The following MROH1 variants were observed in gnomAD, a reference collection of about 807,000 sequenced individuals.
MROH1 encodes maestro heat-like repeat-containing protein family member 1.
Under a neutral mutation model 116.5 loss-of-function variants are expected in MROH1, and 117 were observed. The ratio of observed to expected loss-of-function variants is 1.00; its 90% CI spans 0.86 to 1.17. The LOEUF is 1.17. Ranked by LOEUF, MROH1 falls within the 50% of genes most tolerant of loss-of-function variation. The pLI is 0.00. For missense variants in MROH1, 1,873 were observed against 1,338.5 expected (o/e 1.40, Z -6.23); for synonymous variants, 921 against 583.9 (o/e 1.58, Z -8.32).
intron 14 of MROH1, among the ~76,000 whole-genome samples, chr8:144,233,719 A>T (rs1299277348): frequency 6.6e-6 from 1 of 152,188 alleles, no homozygotes; most frequent in Non-Finnish European, 1.5e-5. Flanking sequence ...GGAGATGGCG[A>T]AGTGCTTATC....
intron 1 of MROH1, among the ~76,000 whole-genome samples, chr8:144,156,958 TTAG>T (rs2130709930): frequency 6.6e-6 from 1 of 151,016 alleles, no homozygotes; most frequent in East Asian, 2.0e-4. Flanking sequence ...AATTTTTGTA[TTAG>T]TATTATTATT....
chr8:144,192,289 C>A lies in MROH1; in HGVS notation c.856-20C>A. On this transcript the variant is annotated intron_variant, in intron 9 of 43. Coordinates refer to ENST00000326134, the MANE Select transcript of MROH1 (RefSeq NM_032450.3). ...CGGCTGGAGGTAGGACTGACGGCCT[C>A]TTCTCCCTACCCGGAGCAGAGCCTG... The A allele has an allele frequency of 6.4e-7, 1 of 1,568,360 alleles. No homozygotes were observed. Among genetic ancestry groups the A allele is most frequent in the Non-Finnish European group, 8.6e-7 (1 of 1,159,306 alleles).
chr8:144,186,788 A>G (rs909773131), intron 7 of MROH1, among the ~76,000 whole-genome samples: 16 of 152,176 alleles, frequency 1.1e-4, no homozygotes, highest in African/African-American at 3.9e-4. Context: ...GCCCTTGTTT[A>G]TTCTTATTAA....
intron 33 of MROH1, chr8:144,251,922 C>T (rs1842901055): frequency 9.9e-6 from 2 of 202,256 alleles, no homozygotes; most frequent in Non-Finnish European, 1.0e-5. Flanking sequence ...CACAGCAGTG[C>T]TGCTGCCCAT....
chr8:144,154,072 T>A (rs1363890519), intron 1 of MROH1, among the ~76,000 whole-genome samples: 2 of 143,846 alleles, frequency 1.4e-5, no homozygotes, highest in Non-Finnish European at 2.9e-5. Context: ...TTTTTATTTT[T>A]ATTTTTTTTT....
intron 1 of MROH1, among the ~76,000 whole-genome samples, chr8:144,153,207 T>C (rs2130555744): frequency 6.6e-6 from 1 of 152,148 alleles, no homozygotes; most frequent in East Asian, 1.9e-4. Flanking sequence ...CCTTCTTTTT[T>C]TTTTTTGAGA....
In MROH1 at chr8:144,260,805, G is replaced by A; in HGVS notation, c.4509G>A (p.Leu1503=). 2.6e-6 allele frequency: 2 copies of A among 778,038 alleles called. No individual in the cohort carries two copies. Among genetic ancestry groups the A allele is most frequent in the East Asian group, 2.4e-5 (1 of 41,240 alleles). The allele number at this position is 778,038 out of a possible 1,614,324, so 48.2% of individuals were successfully genotyped here. ...VGGLAPLLLH[L]QDPQATVASA... ...GGCTGGCGCCCCTGCTGCTGCACCT[G>A]CAGGACCCTCAGGCCACCGTGGCCA... Residue 1503 remains leucine, a synonymous_variant, in exon 40 of 44, where the codon CTG becomes CTA. Transcript: ENST00000326134.
rs538053518 is a variant in MROH1, at chr8:144,210,969, G to C, written c.1142-9631G>C. On this transcript the variant is annotated intron_variant, in intron 12 of 43. Transcript: ENST00000326134. ...TTTCATCTTGCAAAACTGAAACTCC[G>C]TGCCTGTGAAACAGCAACTCCCCAT... is the stretch of plus-strand genomic sequence containing the variant. Among the ~76,000 whole-genome samples, 3 of 152,186 alleles carry C rather than the reference G, an allele frequency of 2.0e-5. No individual in the cohort carries two copies. The South Asian group carries it at 6.2e-4, about 32-fold the overall frequency.
chr8:144,187,661 G>A (rs945360031), intron 7 of MROH1, among the ~76,000 whole-genome samples: 3 of 152,222 alleles, frequency 2.0e-5, no homozygotes, highest in African/African-American at 7.2e-5. Context: ...AGATTCTGGT[G>A]AGCTTCTGAT....
chr8:144,174,875 A>G, intron 4 of MROH1: 1 of 985,410 alleles, frequency 1.0e-6, no homozygotes, highest in South Asian at 4.7e-5. Flanking sequence ...TTGCTGAGTC[A>G]GCCTGTCACC....
chr8:144,249,198 G>A (rs1043442322), intron 32 of MROH1, among the ~76,000 whole-genome samples, 169 bp downstream of exon 32: 2 of 152,184 alleles, frequency 1.3e-5, no homozygotes, highest in African/African-American at 4.8e-5. Flanking sequence ...CCCTCCTCGG[G>A]TGTGACCCCC....
chr8:144,247,295 C>T lies in MROH1; in HGVS notation c.2872-6C>T, dbSNP rs999961487. 6.5e-6 allele frequency: 5 copies of T among 769,030 alleles called. No homozygotes were observed. In the Middle Eastern group the frequency reaches 7.1e-4, roughly 109 times the overall value. 47.6% of individuals were successfully genotyped at this position (769,030 alleles called of 1,614,324 possible). ...ATTCTAATAGCCCAGGCATCTCCTC[C>T]TCCAGGCCCTGGTGCCCTTCCACAA... On this transcript the variant is annotated splice_region_variant and splice_polypyrimidine_tract_variant and intron_variant, in intron 29 of 43. Coordinates refer to ENST00000326134, the MANE Select transcript of MROH1 (RefSeq NM_032450.3).
rs1359532629 is a variant in MROH1, at chr8:144,191,826, A to C, written c.826A>C (p.Lys276Gln). 4 of 1,613,434 alleles carry C rather than the reference A, an allele frequency of 2.5e-6. No homozygotes were observed. The Admixed American group carries it at 5.0e-5, about 20-fold the overall frequency. Residue 276 changes from lysine (K) to glutamine (Q), a missense_variant, in exon 9 of 44, where the codon AAG becomes CAG. Lys to Gln is a moderately conservative substitution (Grantham distance 53). Transcript: ENST00000326134. ...LLPGILALYK[K>Q]HAETFYLSKS... Reference sequence around the variant, plus strand: ...CCCTGGGATTCTCGCCCTCTACAAGAAGCACGCAGAGACCTTCTACTTGTC... The same window carrying C: ...CCCTGGGATTCTCGCCCTCTACAAGCAGCACGCAGAGACCTTCTACTTGTC...
At chr8:144,192,424 CG>C (rs1828861410) in intron 10 of MROH1, 23 bp downstream of exon 10, 14 of 1,554,702 alleles carry the variant, frequency 9.0e-6, no homozygotes, top group Non-Finnish European at 1.2e-5. Context: ...CGTCAGGGGG[CG>C]GGTCCAGGTT....
At position 144,180,592 on chromosome 8, in the gene MROH1, G is replaced by A; in HGVS notation, c.562+69G>A. On this transcript the variant is annotated intron_variant, in intron 7 of 43. Transcript: ENST00000326134. This position sits in a 1 kb window ranked among gnomAD's most constrained non-coding sequence, Gnocchi z 7.4. ...TGGGGGGCTGTTCCCGGGCATGCCTGTTTTAGGGGGGACAGGTGGGCACTT... is the reference window on the plus strand; with the variant it reads ...TGGGGGGCTGTTCCCGGGCATGCCTATTTTAGGGGGGACAGGTGGGCACTT... The A allele has an allele frequency of 6.8e-7, 1 of 1,473,396 alleles. No individual in the cohort carries two copies. Among genetic ancestry groups the A allele is most frequent in the Middle Eastern group, 2.1e-4 (1 of 4,834 alleles). 91.3% of individuals were successfully genotyped at this position (1,473,396 alleles called of 1,614,324 possible).
At chr8:144,157,592 AG>A (rs2130727743) in intron 1 of MROH1, among the ~76,000 whole-genome samples, 1 of 150,602 alleles carries the variant, frequency 6.6e-6, no homozygotes, top group South Asian at 2.1e-4. Flanking sequence ...GGGACTATTT[AG>A]GTTATCTCTT....
At position 144,168,305 on chromosome 8, in the gene MROH1, C is replaced by T; in HGVS notation, c.33C>T (p.Ser11=). The change falls in exon 4 of 44, where the codon TCC becomes TCT. Residue 11 remains serine, a synonymous_variant. Transcript: ENST00000326134. The part of the protein sequence containing the change: MTESSMKKLA[S]TLLDAITDKD... ...GCTTTGTCGCTGCAGAGCTGGCCTCCACCCTGCTGGACGCCATCACCGATA... is the reference window on the plus strand; with the variant it reads ...GCTTTGTCGCTGCAGAGCTGGCCTCTACCCTGCTGGACGCCATCACCGATA... The T allele has an allele frequency of 6.2e-7, 1 of 1,603,834 alleles. No individual in the cohort carries two copies. Among genetic ancestry groups the T allele is most frequent in the Non-Finnish European group, 8.5e-7 (1 of 1,177,932 alleles).
chr8:144,152,822 C>T (rs1190864987), intron 1 of MROH1, among the ~76,000 whole-genome samples: 3 of 152,182 alleles, frequency 2.0e-5, no homozygotes, highest in East Asian at 1.9e-4. Flanking sequence ...TCTGGGATTA[C>T]AGGCATGAGC....
chr8:144,176,133 C>T lies in MROH1; in HGVS notation c.169-3322C>T, dbSNP rs539801272. On this transcript the variant is annotated intron_variant, in intron 4 of 43. Coordinates refer to ENST00000326134, the MANE Select transcript of MROH1 (RefSeq NM_032450.3). ...ATCCCAAAACTTTGGGAGGCAGAGGCGGGTGGATAACTTGAGGCCAGGAGT... is the reference window on the plus strand; with the variant it reads ...ATCCCAAAACTTTGGGAGGCAGAGGTGGGTGGATAACTTGAGGCCAGGAGT... 7.0e-3 allele frequency among the ~76,000 whole-genome samples: 1,069 copies of T among 151,954 alleles called. 9 individuals are homozygous for T. The highest frequency in any genetic ancestry group is 0.024 in the African/African-American group (1,012 of 41,418).
Sources: gnomAD v4.1 joint callset for allele counts (sites outside exome capture counted in the v4.1 genomes callset) on GRCh38, gnomAD v4.1.1 for gene constraint, Gnocchi (gnomAD v3.1) non-coding constraint, MANE v1.5 for transcripts, NCBI Gene and HGNC (gene_info 2026-07-23, HGNC 2026-07-21) for gene names.